The following FBN2 variants were observed in gnomAD, a reference collection of about 807,000 sequenced individuals.
FBN2 encodes fibrillin 2.
A neutral mutation model predicts 355.6 loss-of-function variants in FBN2; 105 were observed. The ratio of observed to expected loss-of-function variants is 0.30; its 90% CI spans 0.25 to 0.35. The LOEUF is 0.35. Among genes scored for constraint, FBN2 ranks in the 10% least tolerant of loss-of-function variants. The pLI is 1.00. For missense variants in FBN2, 3,280 were observed against 3,758.7 expected, an observed-to-expected ratio of 0.87 and a Z score of 3.33; for synonymous variants, 1,350 against 1,301.2, an observed-to-expected ratio of 1.04 and a Z score of -0.81.
intron 15 of FBN2, among the ~76,000 whole-genome samples, 160 bp from the exon 16 acceptor site, chr5:128,369,494 A>G (rs980003076): frequency 2.0e-5 from 3 of 152,236 alleles, no homozygotes; most frequent in Middle Eastern, 3.2e-3. Context: ...GTGTTAGGAA[A>G]TCAACAAATG....
chr5:128,338,242 T>C, intron 26 of FBN2, 120 bp from the exon 27 acceptor site: 1 of 990,352 alleles, frequency 1.0e-6, no homozygotes, highest in Non-Finnish European at 1.6e-6. Context: ...GAGAGATGCT[T>C]CATAGGAGAT....
chr5:128,443,815 C>A (rs911240205), intron 7 of FBN2, among the ~76,000 whole-genome samples: 1 of 152,028 alleles, frequency 6.6e-6, no homozygotes, highest in Non-Finnish European at 1.5e-5. Flanking sequence ...CACTGTAATT[C>A]ACATAATAAA....
At chr5:128,434,885 T>C (rs1753735274) in intron 7 of FBN2, among the ~76,000 whole-genome samples, 1 of 152,074 alleles carries the variant, frequency 6.6e-6, no homozygotes, top group Non-Finnish European at 1.5e-5. Flanking sequence ...GTAGAATAGG[T>C]TTTCCTATCA....
chr5:128,407,464 G>A lies in FBN2; in HGVS notation c.1078+1210C>T, dbSNP rs543596257. On this transcript the variant is annotated intron_variant, in intron 8 of 64. Coordinates refer to ENST00000262464, the MANE Select transcript of FBN2 (RefSeq NM_001999.4). ...GTGTAGAGAAGATGGTAGCTTGCCTGACTCCTCACAGCTATGAGATAATGA... is the reference window on the plus strand; with the variant it reads ...GTGTAGAGAAGATGGTAGCTTGCCTAACTCCTCACAGCTATGAGATAATGA... Among the ~76,000 whole-genome samples, 18 of 152,218 alleles carry A rather than the reference G, an allele frequency of 1.2e-4. No individual in the cohort carries two copies. In the South Asian group the frequency reaches 3.7e-3, roughly 32 times the overall value.
At chr5:128,273,762 T>C (rs1467432370) in intron 61 of FBN2, 78 bp downstream of exon 61, 9 of 1,443,452 alleles carry the variant, frequency 6.2e-6, no homozygotes, top group South Asian at 4.6e-5. Context: ...TTTCAGATTA[T>C]ACCAATTTGT....
At chr5:128,283,924 T>C (rs1749058078) in intron 55 of FBN2, among the ~76,000 whole-genome samples, 1 of 152,174 alleles carries the variant, frequency 6.6e-6, no homozygotes, top group South Asian at 2.1e-4. Context: ...ATTCAATCAA[T>C]CCATCAGAAA....
chr5:128,383,070 C>T (rs992851667), intron 11 of FBN2, among the ~76,000 whole-genome samples: 1 of 152,016 alleles, frequency 6.6e-6, no homozygotes, highest in Non-Finnish European at 1.5e-5. Flanking sequence ...CAGTGAATAT[C>T]ATAACTATTT....
intron 12 of FBN2, 86 bp downstream of exon 12, chr5:128,378,685 G>T: frequency 7.2e-7 from 1 of 1,393,794 alleles, no homozygotes; most frequent in Non-Finnish European, 1.0e-6. Flanking sequence ...TTTATTCCAT[G>T]TTTTAATAAA....
At chr5:128,429,899 G>C (rs567423005) in intron 7 of FBN2, among the ~76,000 whole-genome samples, 6 of 152,216 alleles carry the variant, frequency 3.9e-5, no homozygotes, top group Non-Finnish European at 8.8e-5. Flanking sequence ...AGCTAAATGA[G>C]AACTTTTTTC....
chr5:128,433,249 G>A (rs1581289812), intron 7 of FBN2, among the ~76,000 whole-genome samples: 1 of 152,096 alleles, frequency 6.6e-6, no homozygotes, highest in Non-Finnish European at 1.5e-5. Flanking sequence ...GAACTTATTT[G>A]GGAAACCACT....
intron 7 of FBN2, among the ~76,000 whole-genome samples, chr5:128,423,761 T>C (rs1449391803): frequency 1.3e-5 from 2 of 152,040 alleles, no homozygotes; most frequent in Non-Finnish European, 2.9e-5. Flanking sequence ...ATGACCAAAC[T>C]TGTGATCTAG....
chr5:128,321,570 G>A (rs1226585270), intron 34 of FBN2, among the ~76,000 whole-genome samples: 5 of 152,160 alleles, frequency 3.3e-5, no homozygotes, highest in African/African-American at 1.2e-4. Context: ...GTCTTAGTTT[G>A]CTGAGAATGA....
chr5:128,331,701 G>C (rs1023589778), intron 32 of FBN2, among the ~76,000 whole-genome samples: 1 of 152,148 alleles, frequency 6.6e-6, no homozygotes, highest in Non-Finnish European at 1.5e-5. Context: ...GGGCATGTGA[G>C]AGAGACAGAA....
intron 6 of FBN2, among the ~76,000 whole-genome samples, chr5:128,453,393 C>T (rs959920528): frequency 6.6e-6 from 1 of 152,148 alleles, no homozygotes; most frequent in Non-Finnish European, 1.5e-5. Flanking sequence ...TGCTACTACC[C>T]GGTCTCAGCC....
rs1428131720 is a variant in FBN2 at position 128,286,883 on chromosome 5, G to C, written c.6881-34C>G. The C allele has an allele frequency of 1.9e-6, 3 of 1,605,242 alleles. No individual in the cohort carries two copies. In the African/African-American group the frequency reaches 4.0e-5, roughly 22 times the overall value. The stretch of plus-strand genomic sequence containing the variant: ...AAAAATAAAAATTAAAAATTATCTG[G>C]AGCAAGCTGTAGTTTAGTACTTTTA... On this transcript the variant is annotated intron_variant, in intron 54 of 64. Coordinates refer to ENST00000262464, the MANE Select transcript of FBN2 (RefSeq NM_001999.4).
chr5:128,471,554 T>G (rs1754860253), intron 5 of FBN2, among the ~76,000 whole-genome samples: 1 of 152,144 alleles, frequency 6.6e-6, no homozygotes, highest in Non-Finnish European at 1.5e-5. Context: ...GCCATTAAAT[T>G]AATATTTTTA....
chr5:128,528,266 T>C (rs561127017), intron 3 of FBN2, among the ~76,000 whole-genome samples: 1 of 152,282 alleles, frequency 6.6e-6, no homozygotes, highest in East Asian at 1.9e-4. Context: ...TTTGTCTCCA[T>C]TCAGAATGCA....
intron 7 of FBN2, among the ~76,000 whole-genome samples, chr5:128,429,496 G>A (rs1357751542): frequency 6.6e-6 from 1 of 152,020 alleles, no homozygotes; most frequent in Non-Finnish European, 1.5e-5. Context: ...TAAATTCCAG[G>A]TAGAAATATT....
rs1469224204 is a variant in FBN2, at chr5:128,537,372, C to T, written c.232G>A (p.Gly78Arg). ...AAVASRVRRRGQQDVLRGPNV... is the reference protein window; with the variant it reads ...AAVASRVRRRRQQDVLRGPNV... ...TACCCTCGGAGCACGTCCTGCTGTC[C>T]TCGCCGGCGGACGCGGCTGGCCACT... Residue 78 changes from glycine (G) to arginine (R), a missense_variant, in exon 1 of 65, where the codon GGA (glycine) becomes AGA (arginine). Physicochemically the swap from Gly to Arg is moderately radical, Grantham distance 125. Coordinates refer to ENST00000262464, the MANE Select transcript of FBN2 (RefSeq NM_001999.4). The T allele has an allele frequency of 6.2e-7, 1 of 1,610,818 alleles. No individual in the cohort carries two copies. The highest frequency in any genetic ancestry group is 8.5e-7 in the Non-Finnish European group (1 of 1,179,804).
Sources: allele counts gnomAD v4.1 joint callset (sites outside exome capture counted in the v4.1 genomes callset), GRCh38; gene constraint gnomAD v4.1.1; transcripts MANE v1.5; gene names NCBI Gene and HGNC (gene_info 2026-07-23, HGNC 2026-07-21).